The following LIFR variants were observed in gnomAD, a reference collection of about 807,000 sequenced individuals.
LIFR encodes the protein leukemia inhibitory factor receptor.
Under a neutral mutation model 122.2 loss-of-function variants are expected in LIFR, and 84 were observed. The ratio of observed to expected loss-of-function variants is 0.69; its 90% CI spans 0.58 to 0.82. The LOEUF is 0.82. Ranked by LOEUF, LIFR falls within the 40% of genes least tolerant of loss-of-function variation. LIFR has a pLI of 0.00. For missense variants in LIFR, 1,294 were observed against 1,311.6 expected (o/e 0.99, Z 0.21); for synonymous variants, 422 against 434.7 (o/e 0.97, Z 0.36).
chr5:38,542,381 T>C (rs550373750), intron 1 of LIFR, among the ~76,000 whole-genome samples: 3 of 152,284 alleles, frequency 2.0e-5, no homozygotes, highest in African/African-American at 7.2e-5. Flanking sequence ...GGCAGCATGA[T>C]GCCTCTAGTT....
intron 1 of LIFR, among the ~76,000 whole-genome samples, chr5:38,556,015 C>G (rs1748510374): frequency 1.3e-5 from 2 of 152,222 alleles, no homozygotes; most frequent in East Asian, 3.9e-4. Context: ...ACGAAATCAC[C>G]TGGCAGGTCA....
chr5:38,525,092 A>C (rs1235971389), intron 4 of LIFR, among the ~76,000 whole-genome samples: 2 of 152,214 alleles, frequency 1.3e-5, no homozygotes, highest in African/African-American at 4.8e-5. Flanking sequence ...GGGAGAATCC[A>C]GGACACTAAA....
intron 1 of LIFR, among the ~76,000 whole-genome samples, chr5:38,567,554 G>T (rs986769167): frequency 1.6e-5 from 1 of 63,824 alleles, no homozygotes; most frequent in African/African-American, 5.2e-5. Context: ...TTTGAAGACT[G>T]AGTCTCACTC....
rs1011348418 is a variant in LIFR, at chr5:38,482,655, G to A, written c.2604C>T (p.Thr868=). 2 of 1,429,214 alleles carry A rather than the reference G, an allele frequency of 1.4e-6. No individual in the cohort carries two copies. The highest frequency in any genetic ancestry group is 1.9e-6 in the Non-Finnish European group (2 of 1,044,096). The allele number at this position is 1,429,214 out of a possible 1,614,324, so 88.5% of individuals were successfully genotyped here. ...CYRKREWIKE[T]FYPDIPNPEN... ...CTGGATTTGGAATATCAGGGTAGAAGGTTTCTTTAATCCTTTAAATAAAAA... is the reference window on the plus strand; with the variant it reads ...CTGGATTTGGAATATCAGGGTAGAAAGTTTCTTTAATCCTTTAAATAAAAA... Residue 868 remains threonine (T), a synonymous_variant, in exon 19 of 20, where the codon ACC becomes ACT. Transcript: ENST00000453190.
In LIFR at chr5:38,525,079, C is replaced by T. The variant is rs1281036237; in HGVS notation, c.398-1497G>A. ...CCATGCTCAAAGGTTTGGGCATCTC[C>T]TAGGGAGAATCCAGGACACTAAAAA... is the stretch of plus-strand genomic sequence containing the variant. On this transcript the variant is annotated intron_variant, in intron 4 of 19. Transcript: ENST00000453190. 3.9e-5 allele frequency among the ~76,000 whole-genome samples: 6 copies of T among 152,138 alleles called. No homozygotes were observed. In the East Asian group the frequency reaches 1.2e-3, roughly 29 times the overall value.
intron 1 of LIFR, among the ~76,000 whole-genome samples, chr5:38,542,066 G>C (rs141010956): frequency 6.6e-6 from 1 of 152,286 alleles, no homozygotes; most frequent in Non-Finnish European, 1.5e-5. Context: ...AAAATAAGTA[G>C]ATAATCTAAT....
At chr5:38,590,726 C>T (rs186165459) in intron 1 of LIFR, among the ~76,000 whole-genome samples, 2 of 152,282 alleles carry the variant, frequency 1.3e-5, no homozygotes, top group Non-Finnish European at 1.5e-5. Context: ...ATTTGTACAA[C>T]TATTCAGTCA....
At chr5:38,539,686 A>T (rs1747484221) in intron 1 of LIFR, among the ~76,000 whole-genome samples, 1 of 152,064 alleles carries the variant, frequency 6.6e-6, no homozygotes, top group African/African-American at 2.4e-5. Flanking sequence ...TGGGGGGGGT[A>T]ATACATAGAG....
At chr5:38,498,357 C>G (rs1217996268) in intron 12 of LIFR, among the ~76,000 whole-genome samples, 1 of 152,178 alleles carries the variant, frequency 6.6e-6, no homozygotes, top group African/African-American at 2.4e-5. Context: ...ATGCTGCTGT[C>G]ACCTGGGCTC....
intron 1 of LIFR, among the ~76,000 whole-genome samples, chr5:38,590,653 G>A (rs1749893753): frequency 6.6e-6 from 1 of 152,168 alleles, no homozygotes; most frequent in African/African-American, 2.4e-5. Context: ...TCATTAGCAT[G>A]TATTGAGTCC....
intron 13 of LIFR, among the ~76,000 whole-genome samples, chr5:38,494,032 C>T (rs141685080): frequency 6.6e-6 from 1 of 152,184 alleles, no homozygotes; most frequent in East Asian, 1.9e-4. Flanking sequence ...TTAAAAAGCG[C>T]CTAGGATCAG....
intron 17 of LIFR, chr5:38,485,521 T>C (rs1190914485): frequency 2.4e-6 from 1 of 415,038 alleles, no homozygotes; most frequent in Non-Finnish European, 4.4e-6. Context: ...TGGAGCAAAA[T>C]ATTTTTAAAT....
chr5:38,565,997 T>C (rs993679727), intron 1 of LIFR, among the ~76,000 whole-genome samples: 5 of 152,208 alleles, frequency 3.3e-5, no homozygotes, highest in African/African-American at 1.2e-4. Flanking sequence ...TTATGAAGAC[T>C]CTGATGAAGC....
chr5:38,499,253 T>A (rs1745049357), intron 12 of LIFR, among the ~76,000 whole-genome samples: 1 of 152,202 alleles, frequency 6.6e-6, no homozygotes, highest in East Asian at 1.9e-4. Flanking sequence ...ATGGAATTCA[T>A]GAAATCTTCA....
chr5:38,505,366 G>C (rs1187804003), intron 9 of LIFR, among the ~76,000 whole-genome samples: 1 of 150,196 alleles, frequency 6.7e-6, no homozygotes, highest in Non-Finnish European at 1.5e-5. Flanking sequence ...TGTGGTGGTG[G>C]TTACCTGAAT....
chr5:38,591,809 G>A lies in LIFR; in HGVS notation c.-20+3452C>T, dbSNP rs117689070. On this transcript the variant is annotated intron_variant, in intron 1 of 19. Coordinates refer to the LIFR transcript ENST00000263409. ...GATAATGTGAAACAGTCTGTGTGACGAAAGTTTGTTTCAACTTTCCTAGTT... is the reference window on the plus strand; with the variant it reads ...GATAATGTGAAACAGTCTGTGTGACAAAAGTTTGTTTCAACTTTCCTAGTT... Among the ~76,000 whole-genome samples the A allele has an allele frequency of 9.8e-5, 15 of 152,312 alleles. No homozygotes were observed. The South Asian group carries it at 1.7e-3, about 17-fold the overall frequency.
At chr5:38,551,371 C>T (rs1231655081) in intron 1 of LIFR, among the ~76,000 whole-genome samples, 2 of 152,316 alleles carry the variant, frequency 1.3e-5, no homozygotes, top group African/African-American at 4.8e-5. Context: ...CTCCCACTCA[C>T]CTTACCTCCA....
At chr5:38,517,856 CAAAA>C (rs572954936) in intron 5 of LIFR, among the ~76,000 whole-genome samples, 12 of 15,040 alleles carry the variant, frequency 8.0e-4, no homozygotes, top group African/African-American at 2.2e-3. Context: ...GACACTGTCT[CAAAA>C]AAAAAAAAAA....
intron 1 of LIFR, among the ~76,000 whole-genome samples, chr5:38,582,005 A>G (rs1749601147): frequency 6.6e-6 from 1 of 150,688 alleles, no homozygotes; most frequent in Non-Finnish European, 1.5e-5. Flanking sequence ...TGCAAGCCTC[A>G]CTTCTAAGAA....
Sources: allele counts gnomAD v4.1 joint callset (sites outside exome capture counted in the v4.1 genomes callset), GRCh38; gene constraint gnomAD v4.1.1; transcripts MANE v1.5; gene names NCBI Gene and HGNC (gene_info 2026-07-23, HGNC 2026-07-21).